ZDHHC14: variants seen among roughly 807,000 people sequenced by gnomAD.
ZDHHC14 encodes zDHHC palmitoyltransferase 14.
ZDHHC14 carries 16 observed loss-of-function variants against 47.7 expected under a neutral mutation model. The ratio of observed to expected loss-of-function variants is 0.34; its 90% CI spans 0.23 to 0.51. The LOEUF is 0.51. Ranked by LOEUF, ZDHHC14 falls within the 20% of genes least tolerant of loss-of-function variation. The pLI is 0.97. For missense variants in ZDHHC14, 515 were observed against 662.5 expected (o/e 0.78, Z 2.44); for synonymous variants, 293 against 278.9 (o/e 1.05, Z -0.50).
intron 2 of ZDHHC14, among the ~76,000 whole-genome samples, chr6:157,588,465 A>G (rs1430737123): frequency 6.6e-6 from 1 of 152,192 alleles, no homozygotes; most frequent in African/African-American, 2.4e-5. Context: ...TCTAAAAATT[A>G]AAAAATATAC....
At chr6:157,578,871 A>G (rs1783405726) in intron 2 of ZDHHC14, among the ~76,000 whole-genome samples, 1 of 152,154 alleles carries the variant, frequency 6.6e-6, no homozygotes, top group African/African-American at 2.4e-5. Flanking sequence ...TCTTTCCTTT[A>G]TAAATTACCT....
intron 1 of ZDHHC14, among the ~76,000 whole-genome samples, chr6:157,535,216 G>A (rs1562466971): frequency 6.6e-6 from 1 of 152,164 alleles, no homozygotes; most frequent in Non-Finnish European, 1.5e-5. Context: ...TTGAAGCCTG[G>A]AGCCCCTCTC....
At chr6:157,573,726 C>T (rs930801118) in intron 2 of ZDHHC14, among the ~76,000 whole-genome samples, 1 of 152,194 alleles carries the variant, frequency 6.6e-6, no homozygotes, top group African/African-American at 2.4e-5. Flanking sequence ...ATCCTTCCTG[C>T]CAGCTGCGCA....
chr6:157,437,031 G>T (rs1778454100), intron 1 of ZDHHC14, among the ~76,000 whole-genome samples: 1 of 152,104 alleles, frequency 6.6e-6, no homozygotes, highest in African/African-American at 2.4e-5. Flanking sequence ...AAGGGGAGAG[G>T]GCTGTGACTG....
At chr6:157,530,973 C>G (rs1242426323) in intron 1 of ZDHHC14, among the ~76,000 whole-genome samples, 5 of 152,130 alleles carry the variant, frequency 3.3e-5, no homozygotes, top group Non-Finnish European at 5.9e-5. Flanking sequence ...ATTCTTCCTA[C>G]TTTGCAAAAG....
intron 1 of ZDHHC14, among the ~76,000 whole-genome samples, chr6:157,388,228 A>G (rs1412003725): frequency 1.3e-5 from 2 of 152,134 alleles, no homozygotes; most frequent in Non-Finnish European, 2.9e-5. Flanking sequence ...AATTTTTCTA[A>G]TAAAACTCTG....
At chr6:157,567,245 A>G (rs1451430861) in intron 2 of ZDHHC14, among the ~76,000 whole-genome samples, 1 of 152,174 alleles carries the variant, frequency 6.6e-6, no homozygotes, top group Non-Finnish European at 1.5e-5. Context: ...GGGCAGATGC[A>G]AAAACATAGG....
chr6:157,515,051 T>C (rs1780631838), intron 1 of ZDHHC14, among the ~76,000 whole-genome samples: 1 of 152,186 alleles, frequency 6.6e-6, no homozygotes. Context: ...AGAATATTCC[T>C]TTCCAGTTTT....
In ZDHHC14 at chr6:157,542,540, T is replaced by A. The variant is rs952334127; in HGVS notation, c.246-45T>A. 3.1e-6 allele frequency: 5 copies of A among 1,592,512 alleles called. No homozygotes were observed. The African/African-American group carries it at 6.7e-5, about 21-fold the overall frequency. ...TACTGTTGATTCCTAACATTGTATT[T>A]CCTTTCTTTTCCCCTTCTCTCCGGT... On this transcript the variant is annotated intron_variant, in intron 1 of 8. Transcript: ENST00000359775.
Position 157,482,245 on chromosome 6 carries a change from T to C in ZDHHC14, c.246-60340T>C, listed in dbSNP as rs572179757. 1.6e-4 allele frequency among the ~76,000 whole-genome samples: 24 copies of C among 150,262 alleles called. 1 individual carries two copies. The East Asian group carries it at 2.4e-3, about 15-fold the overall frequency. ...GTAAAGTGAGGACACCTAACGTCTA[T>C]ATTTCTTTTCTTTTCTTTTTTTTTT... On this transcript the variant is annotated intron_variant, in intron 1 of 8. Transcript: ENST00000359775.
At chr6:157,459,380 G>A (rs1385512228) in intron 1 of ZDHHC14, among the ~76,000 whole-genome samples, 1 of 152,202 alleles carries the variant, frequency 6.6e-6, no homozygotes, top group African/African-American at 2.4e-5. Flanking sequence ...TCCATAGGGT[G>A]AGGAGGGAGG....
chr6:157,476,213 G>A (rs577507906), intron 1 of ZDHHC14, among the ~76,000 whole-genome samples: 1 of 152,094 alleles, frequency 6.6e-6, no homozygotes, highest in South Asian at 2.1e-4. Context: ...AACGAAAAAA[G>A]ACTCAAATCA....
intron 3 of ZDHHC14, among the ~76,000 whole-genome samples, chr6:157,600,202 C>T (rs762466960): frequency 1.4e-4 from 21 of 152,208 alleles, no homozygotes; most frequent in African/African-American, 3.6e-4. Context: ...CAGAATAAAA[C>T]CCCCACCCTT....
intron 5 of ZDHHC14, among the ~76,000 whole-genome samples, chr6:157,636,955 T>G (rs779871461): frequency 6.6e-6 from 1 of 152,254 alleles, no homozygotes; most frequent in African/African-American, 2.4e-5. Flanking sequence ...TGCTTTCTGT[T>G]TGAAATATGT....
intron 1 of ZDHHC14, among the ~76,000 whole-genome samples, chr6:157,455,258 C>T (rs1177283990): frequency 6.6e-6 from 1 of 152,218 alleles, no homozygotes; most frequent in Non-Finnish European, 1.5e-5. Flanking sequence ...CTCGGTCTTC[C>T]TGAAGATGTG....
rs1169337301 is a variant in ZDHHC14, at chr6:157,677,104, A to C, written c.*3982A>C. On this transcript the variant is annotated 3_prime_UTR_variant, in exon 9 of 9. Coordinates refer to ENST00000359775, the MANE Select transcript of ZDHHC14 (RefSeq NM_024630.3). ...TGTTTACATTTTCTATCAAGTACACATGAGCTGTGGGAGTCTAGCATATTC... is the reference window on the plus strand; with the variant it reads ...TGTTTACATTTTCTATCAAGTACACCTGAGCTGTGGGAGTCTAGCATATTC... The C allele has an allele frequency of 6.6e-6, 1 of 152,206 alleles. No homozygotes were observed. The highest frequency in any genetic ancestry group is 1.9e-4 in the East Asian group (1 of 5,200). The allele number at this position is 152,206 out of a possible 1,614,324, so 9.4% of individuals were successfully genotyped here. A position where few individuals can be genotyped will look rare whatever the true frequency, so the allele number is the denominator to read the frequency against.
intron 1 of ZDHHC14, among the ~76,000 whole-genome samples, chr6:157,424,750 TTC>T (rs1778182461): frequency 6.6e-6 from 1 of 152,194 alleles, no homozygotes; most frequent in Admixed American, 6.5e-5. Context: ...CTGGTTTGAC[TTC>T]TCTTTCTCAC....
intron 3 of ZDHHC14, among the ~76,000 whole-genome samples, chr6:157,599,001 CT>C (rs1057335568): frequency 2.0e-5 from 3 of 152,124 alleles, no homozygotes; most frequent in African/African-American, 7.2e-5. Flanking sequence ...CTTTAAAAAA[CT>C]TTTATAAATC....
At position 157,647,341 on chromosome 6, in the gene ZDHHC14, T is replaced by A. The variant is rs1777607907; in HGVS notation, c.938T>A (p.Val313Asp). The A allele has an allele frequency of 6.2e-7, 1 of 1,614,046 alleles. No homozygotes were observed. The highest frequency in any genetic ancestry group is 1.1e-5 in the South Asian group (1 of 91,066). Residue 313 changes from valine (V) to aspartate (D), a missense_variant, in exon 7 of 9, where the codon GTT becomes GAT. This residue lies in a region of ZDHHC14 where 229 missense variants were observed against 351.5 expected (regional missense o/e 0.65). Transcript: ENST00000359775. The stretch of plus-strand genomic sequence containing the variant: ...GGAAATATCTTTACCAACTGCTGTG[T>A]TGCCCTGTGTGGGCCCATCTCACCA... ...SYGNIFTNCCVALCGPISPSL... is the reference protein window; with the variant it reads ...SYGNIFTNCCDALCGPISPSL...
Sources: gnomAD v4.1 joint callset for allele counts (sites outside exome capture counted in the v4.1 genomes callset) on GRCh38, gnomAD v4.1.1 for gene constraint, gnomAD v4.1.1 regional missense constraint, MANE v1.5 for transcripts, NCBI Gene and HGNC (gene_info 2026-07-23, HGNC 2026-07-21) for gene names.